Variants in ADGRB3 observed in about 807,000 individuals in gnomAD.
ADGRB3 encodes the protein brain-specific angiogenesis inhibitor 3.
A neutral mutation model predicts 193.4 loss-of-function variants in ADGRB3; 37 were observed. The ratio of observed to expected loss-of-function variants is 0.19; its 90% confidence interval spans 0.15 to 0.25. ADGRB3 has a LOEUF of 0.25. ADGRB3 is among the 10% of genes least tolerant of loss of function. ADGRB3 has a pLI of 1.00. For synonymous variants in ADGRB3, 690 were observed against 644.2 expected, an observed-to-expected ratio of 1.07 and a Z score of -1.08; for missense variants, 1,637 against 1,852.9, an observed-to-expected ratio of 0.88 and a Z score of 2.14.
chr6:68,638,239 C>G (rs1049923214), intron 2 of ADGRB3, among the ~76,000 whole-genome samples: 1 of 152,052 alleles, frequency 6.6e-6, no homozygotes, highest in African/African-American at 2.4e-5. Context: ...TAGTGTTTAC[C>G]GCAGAGGACA....
At chr6:69,363,873 A>T (rs896250337) in intron 29 of ADGRB3, among the ~76,000 whole-genome samples, 2 of 152,018 alleles carry the variant, frequency 1.3e-5, no homozygotes, top group African/African-American at 4.8e-5. Flanking sequence ...CTGGTGAGGG[A>T]GATGCTATTC....
At chr6:69,217,640 G>A (rs1765795190) in intron 17 of ADGRB3, among the ~76,000 whole-genome samples, 2 of 152,184 alleles carry the variant, frequency 1.3e-5, no homozygotes, top group Non-Finnish European at 2.9e-5. Context: ...TCTCAACTCT[G>A]GTTGGGCAGG....
chr6:68,731,069 G>T (rs1042105573), intron 3 of ADGRB3, among the ~76,000 whole-genome samples: 1 of 151,440 alleles, frequency 6.6e-6, no homozygotes, highest in Non-Finnish European at 1.5e-5. Flanking sequence ...TGTTTGAGTA[G>T]GTTTGAGAAA....
intron 3 of ADGRB3, among the ~76,000 whole-genome samples, chr6:68,874,738 T>G (rs906723182): frequency 1.3e-5 from 2 of 152,208 alleles, no homozygotes; most frequent in African/African-American, 4.8e-5. Context: ...TACTAATTAA[T>G]TTTAAACACT....
intron 3 of ADGRB3, among the ~76,000 whole-genome samples, chr6:68,885,637 T>C (rs550775877): frequency 6.6e-6 from 1 of 152,200 alleles, no homozygotes; most frequent in South Asian, 2.1e-4. Flanking sequence ...GGAAGTAGAG[T>C]ACAATGGTGG....
At chr6:69,175,459 C>T (rs975300732) in intron 17 of ADGRB3, among the ~76,000 whole-genome samples, 16 of 152,110 alleles carry the variant, frequency 1.1e-4, no homozygotes, top group African/African-American at 3.9e-4. Flanking sequence ...AGGTGTGCAG[C>T]TTTATTTCTG....
At chr6:69,006,292 A>G (rs1329881591) in intron 11 of ADGRB3, among the ~76,000 whole-genome samples, 1 of 152,100 alleles carries the variant, frequency 6.6e-6, no homozygotes, top group Non-Finnish European at 1.5e-5. Flanking sequence ...TGTATCATGC[A>G]TGCAAATGTT....
rs1255925539 is a variant in ADGRB3 at position 68,695,828 on chromosome 6, C to T, written c.757+56396C>T. ...ATGACTGAGCCCAAATAGACAATCT[C>T]GGTGTCATTTTTCAGTGCTTTTGAC... is the stretch of plus-strand genomic sequence containing the variant. On this transcript the variant is annotated intron_variant, in intron 3 of 31. Transcript: ENST00000370598. Among the ~76,000 whole-genome samples, 5 of 151,924 alleles carry T rather than the reference C, an allele frequency of 3.3e-5. No individual in the cohort carries two copies. The South Asian group carries it at 6.2e-4, about 19-fold the overall frequency.
intron 20 of ADGRB3, among the ~76,000 whole-genome samples, chr6:69,261,355 C>T (rs1766924152): frequency 6.6e-6 from 1 of 152,008 alleles, no homozygotes; most frequent in Non-Finnish European, 1.5e-5. Context: ...CAAGATACTT[C>T]TTTAGAATCT....
chr6:69,190,149 C>T (rs1319601873), intron 17 of ADGRB3, among the ~76,000 whole-genome samples: 1 of 152,026 alleles, frequency 6.6e-6, no homozygotes, highest in Non-Finnish European at 1.5e-5. Context: ...TCAGAGTGTA[C>T]TTTTACTATT....
chr6:68,807,625 AG>A, intron 3 of ADGRB3, among the ~76,000 whole-genome samples: 1 of 152,276 alleles, frequency 6.6e-6, no homozygotes, highest in African/African-American at 2.4e-5. Flanking sequence ...TAAAAATAGA[AG>A]CAGTACGATA....
At chr6:69,374,270 A>T (rs549916243) in intron 30 of ADGRB3, among the ~76,000 whole-genome samples, 2 of 152,034 alleles carry the variant, frequency 1.3e-5, no homozygotes, top group Non-Finnish European at 2.9e-5. Flanking sequence ...AGTTTAGAAA[A>T]CTTATTGCCA....
intron 17 of ADGRB3, among the ~76,000 whole-genome samples, chr6:69,167,341 A>G (rs952029952): frequency 1.3e-5 from 2 of 152,168 alleles, no homozygotes; most frequent in Admixed American, 1.3e-4. Context: ...AAGGTTTTAG[A>G]ACAAGAAGTG....
At chr6:69,053,388 A>G (rs1365508616) in intron 15 of ADGRB3, among the ~76,000 whole-genome samples, 1 of 152,176 alleles carries the variant, frequency 6.6e-6, no homozygotes, top group Non-Finnish European at 1.5e-5. Context: ...ACTATATCTC[A>G]TTCCCTCTAT....
chr6:68,694,858 C>G lies in ADGRB3; in HGVS notation c.757+55426C>G, dbSNP rs190008419. Among the ~76,000 whole-genome samples the G allele has an allele frequency of 2.3e-3, 355 of 152,176 alleles. 6 individuals are homozygous for G. The highest frequency in any genetic ancestry group is 7.2e-4 in the Non-Finnish European group (49 of 67,986). ...TCAGTCTTTTTAAACACCATTCTCC[C>G]AAGCATTGTGGTTAATACCTTGGAC... is the stretch of plus-strand genomic sequence containing the variant. On this transcript the variant is annotated intron_variant, in intron 3 of 31. Coordinates refer to ENST00000370598, the MANE Select transcript of ADGRB3 (RefSeq NM_001704.3).
At chr6:69,118,260 G>T (rs1773587570) in intron 17 of ADGRB3, among the ~76,000 whole-genome samples, 1 of 152,114 alleles carries the variant, frequency 6.6e-6, no homozygotes, top group Non-Finnish European at 1.5e-5. Flanking sequence ...TCTAACTTAT[G>T]CATTGATGAT....
chr6:69,376,388 G>A (rs1012631774), intron 30 of ADGRB3, among the ~76,000 whole-genome samples: 3 of 151,822 alleles, frequency 2.0e-5, no homozygotes, highest in Non-Finnish European at 2.9e-5. Context: ...ATGAGCCACC[G>A]TTCCTGGCCT....
intron 15 of ADGRB3, among the ~76,000 whole-genome samples, chr6:69,055,695 G>C (rs1218991913): frequency 6.6e-6 from 1 of 152,056 alleles, no homozygotes; most frequent in Non-Finnish European, 1.5e-5. Flanking sequence ...TTCAGAAACT[G>C]CCTACCGTAT....
At chr6:68,825,868 C>T (rs1767834108) in intron 3 of ADGRB3, among the ~76,000 whole-genome samples, 2 of 152,274 alleles carry the variant, frequency 1.3e-5, no homozygotes, top group South Asian at 4.1e-4. Flanking sequence ...AAACCTTTTT[C>T]CTTTATAAAT....
Sources: gnomAD v4.1 joint callset for allele counts (sites outside exome capture counted in the v4.1 genomes callset) on GRCh38, gnomAD v4.1.1 for gene constraint, MANE v1.5 for transcripts, NCBI Gene and HGNC (gene_info 2026-07-23, HGNC 2026-07-21) for gene names.